The following SPAG17 variants were observed in gnomAD, a reference collection of about 807,000 sequenced individuals.
SPAG17 encodes sperm-associated antigen 17.
Under a neutral mutation model 273.6 loss-of-function variants are expected in SPAG17, and 169 were observed. The ratio of observed to expected loss-of-function variants is 0.62; its 90% CI spans 0.55 to 0.70. The LOEUF is 0.70. SPAG17 is among the 30% of genes least tolerant of loss of function. The pLI, the probability that SPAG17 is intolerant of heterozygous loss-of-function variation, is 0.00. For missense variants in SPAG17, 2,557 were observed against 2,627.8 expected (o/e 0.97, Z 0.59); for synonymous variants, 825 against 873.2 (o/e 0.94, Z 0.97).
At position 118,025,282 on chromosome 1, in the gene SPAG17, T is replaced by G. The variant is rs1647606749; in HGVS notation, c.3865A>C (p.Ser1289Arg). 6 of 1,613,792 alleles carry G rather than the reference T, an allele frequency of 3.7e-6. No individual in the cohort carries two copies. Among genetic ancestry groups the G allele is most frequent in the Non-Finnish European group, 5.1e-6 (6 of 1,179,826 alleles). Reference sequence around the variant, plus strand: ...ATATATTTGACAACAGTGCCTTGACTGGTGATAACCCTTGAAGCCTCCTGC... The same window carrying G: ...ATATATTTGACAACAGTGCCTTGACGGGTGATAACCCTTGAAGCCTCCTGC... ...AEQEASRVITSQGTVVKYMLD... is the reference protein window; with the variant it reads ...AEQEASRVITRQGTVVKYMLD... The change falls in exon 27 of 49, where the codon AGT becomes CGT. Residue 1289 changes from serine (S) to arginine (R), a missense_variant. Ser to Arg is a moderately radical substitution (Grantham distance 110). Transcript: ENST00000336338.
At chr1:118,178,689 T>C (rs1036981852) in intron 1 of SPAG17, among the ~76,000 whole-genome samples, 2 of 151,986 alleles carry the variant, frequency 1.3e-5, no homozygotes, top group African/African-American at 2.4e-5. Flanking sequence ...AAAAATCTAA[T>C]GACTTCACCA....
chr1:118,094,120 G>T (rs922176059), intron 7 of SPAG17, among the ~76,000 whole-genome samples: 7 of 152,186 alleles, frequency 4.6e-5, no homozygotes, highest in Admixed American at 3.9e-4. Context: ...GCACAGCTCT[G>T]CCAATCACTA....
chr1:118,047,402 C>G (rs1385878718), intron 20 of SPAG17, among the ~76,000 whole-genome samples: 1 of 152,228 alleles, frequency 6.6e-6, no homozygotes, highest in Admixed American at 6.5e-5. Flanking sequence ...GATCACCCCT[C>G]CATGCCTGCC....
chr1:118,115,278 C>T (rs1400031756), intron 4 of SPAG17, 32 bp downstream of exon 4: 3 of 1,608,584 alleles, frequency 1.9e-6, no homozygotes, highest in East Asian at 2.2e-5. Context: ...ACCACTTGCC[C>T]TCTTTAGAAA....
chr1:117,964,739 C>T (rs1653595386), intron 47 of SPAG17: 1 of 152,150 alleles, frequency 6.6e-6, no homozygotes. Context: ...GGCGTTTCGG[C>T]ATCTTTGAAA....
intron 1 of SPAG17, among the ~76,000 whole-genome samples, chr1:118,159,639 A>G (rs1348902222): frequency 6.6e-6 from 1 of 152,202 alleles, no homozygotes; most frequent in African/African-American, 2.4e-5. Context: ...GAATTTAGAT[A>G]TGTCCTGGGG....
chr1:118,012,199 T>C, intron 30 of SPAG17, 29 bp downstream of exon 30: 2 of 1,596,774 alleles, frequency 1.3e-6, no homozygotes, highest in Non-Finnish European at 1.7e-6. Context: ...TTATAAAATA[T>C]TGTCATGTAC....
chr1:118,104,794 G>T (rs1240346434), intron 4 of SPAG17, among the ~76,000 whole-genome samples: 1 of 152,190 alleles, frequency 6.6e-6, no homozygotes, highest in Non-Finnish European at 1.5e-5. Flanking sequence ...AAATAGGAGG[G>T]CAGTATCAAT....
rs766374995 is a variant in SPAG17, at chr1:118,031,715, GTTC to G, written c.3583_3585del (p.Glu1195del). ...ACCTTTTTCTCTTCTTCTTTTGGGT[GTTC>G]TTCTTCTTTAAGGGATTCTTTGGGT... On this transcript the variant is annotated inframe_deletion, in exon 25 of 49. Coordinates refer to ENST00000336338, the MANE Select transcript of SPAG17 (RefSeq NM_206996.4). 6.5e-5 allele frequency: 105 copies of G among 1,613,442 alleles called. No homozygotes were observed. In the Admixed American group the frequency reaches 1.1e-3, roughly 17 times the overall value.
chr1:118,181,521 A>C (rs560416209), intron 1 of SPAG17, among the ~76,000 whole-genome samples: 1 of 152,124 alleles, frequency 6.6e-6, no homozygotes, highest in African/African-American at 2.4e-5. Flanking sequence ...ATTACACACA[A>C]AAAAAGACTT....
At chr1:118,028,710 CCT>C (rs1374570091) in intron 25 of SPAG17, among the ~76,000 whole-genome samples, 1 of 152,058 alleles carries the variant, frequency 6.6e-6, no homozygotes, top group African/African-American at 2.4e-5. Context: ...TTGAAAGATG[CCT>C]CTGTTTGGAT....
chr1:118,126,878 AGAGGTCTACTTTCATTCTT>A (rs141897487), intron 3 of SPAG17, among the ~76,000 whole-genome samples: 9,447 of 152,248 alleles, frequency 0.062, 449 homozygotes, highest in East Asian at 0.26. Context: ...GGTGAGAGAA[AGAGGTCTACTTTCATTCTT>A]CTGCATATGG....
chr1:118,050,931 AAAC>A (rs1354631994), intron 20 of SPAG17, among the ~76,000 whole-genome samples: 2 of 151,870 alleles, frequency 1.3e-5, no homozygotes, highest in Non-Finnish European at 2.9e-5. Context: ...ACAACAAAGA[AAAC>A]AATCAACAAA....
At chr1:118,140,126 T>G (rs1200083265) in intron 3 of SPAG17, among the ~76,000 whole-genome samples, 1 of 152,158 alleles carries the variant, frequency 6.6e-6, no homozygotes, top group African/African-American at 2.4e-5. Context: ...GACCTGAGAC[T>G]TCTCAGCCTC....
At chr1:117,959,906 A>G (rs1447170105) in intron 48 of SPAG17, 2 of 152,760 alleles carry the variant, frequency 1.3e-5, no homozygotes, top group African/African-American at 4.8e-5. Context: ...ATAAAAATGC[A>G]GTGTCATGGA....
At chr1:118,010,860 T>A (rs1659396974) in intron 30 of SPAG17, among the ~76,000 whole-genome samples, 1 of 151,918 alleles carries the variant, frequency 6.6e-6, no homozygotes, top group South Asian at 2.1e-4. Context: ...CCGTAAGGAA[T>A]TTAAACAAAT....
At chr1:117,954,428 A>G (rs1171399531) in intron 48 of SPAG17, 3 of 716,342 alleles carry the variant, frequency 4.2e-6, no homozygotes, top group Non-Finnish European at 6.8e-6. Flanking sequence ...ATAGAAACTA[A>G]CAGGTTTGAT....
At position 118,025,352 on chromosome 1, in the gene SPAG17, C is replaced by T; in HGVS notation, c.3795G>A (p.Arg1265=). The change falls in exon 27 of 49, where the codon AGG becomes AGA. Residue 1265 remains arginine (R), a synonymous_variant. Coordinates refer to ENST00000336338, the MANE Select transcript of SPAG17 (RefSeq NM_206996.4). The stretch of plus-strand genomic sequence containing the variant: ...TTTTATAGAACTCATAGTGCTTCAC[C>T]CTCTGGGGGTAGCTCTGACGGACCA... ...DIMVRQSYPQ[R]VKHYEFYKTV... 1 of 1,612,834 alleles carries T rather than the reference C, an allele frequency of 6.2e-7. No homozygotes were observed. Among genetic ancestry groups the T allele is most frequent in the South Asian group, 1.1e-5 (1 of 90,944 alleles).
intron 40 of SPAG17, 111 bp downstream of exon 40, chr1:117,987,723 A>G: frequency 9.6e-7 from 1 of 1,039,772 alleles, no homozygotes; most frequent in Non-Finnish European, 1.4e-6. Flanking sequence ...ATGTTGCAGA[A>G]GAGAATCAAA....
Sources: allele counts gnomAD v4.1 joint callset (sites outside exome capture counted in the v4.1 genomes callset), GRCh38; gene constraint gnomAD v4.1.1; transcripts MANE v1.5; gene names NCBI Gene and HGNC (gene_info 2026-07-23, HGNC 2026-07-21).